Variants in CENPE observed in about 807,000 individuals in gnomAD.
CENPE encodes the protein centromere protein E.
In CENPE, 145 loss-of-function variants were observed where a neutral mutation model predicts 336.1. That is an observed-to-expected ratio of 0.43 (90% CI 0.38 to 0.50). The LOEUF is 0.50. Ranked by LOEUF, CENPE falls within the 20% of genes least tolerant of loss-of-function variation. The pLI is 0.00. For missense variants in CENPE, 2,719 were observed against 3,023.3 expected (o/e 0.90, Z 2.36); for synonymous variants, 1,013 against 984.8 (o/e 1.03, Z -0.54).
At chr4:103,162,943 G>T (rs1474269380) in intron 18 of CENPE, among the ~76,000 whole-genome samples, 194 bp downstream of exon 18, 2 of 152,082 alleles carry the variant, frequency 1.3e-5, no homozygotes, top group African/African-American at 4.8e-5. Context: ...TTCCACAAAT[G>T]TGACTTTATC....
chr4:103,113,472 A>G (rs1391419233), intron 46 of CENPE, among the ~76,000 whole-genome samples: 2 of 141,336 alleles, frequency 1.4e-5, no homozygotes, highest in African/African-American at 5.2e-5. Context: ...TATAATATAT[A>G]ACTTATATAT....
chr4:103,159,744 T>C (rs567097949), intron 21 of CENPE, among the ~76,000 whole-genome samples: 6 of 151,930 alleles, frequency 3.9e-5, no homozygotes, highest in Non-Finnish European at 8.8e-5. Flanking sequence ...TAATGTTTAA[T>C]CATTTAAAAT....
rs1198969543 is a variant in CENPE at position 103,174,768 on chromosome 4, C to G, written c.1615G>C (p.Ala539Pro). Residue 539 changes from alanine to proline, a missense_variant, in exon 16 of 49, where the codon GCT becomes CCT. Ala to Pro is a conservative substitution (Grantham distance 27). Coordinates refer to ENST00000265148, the MANE Select transcript of CENPE (RefSeq NM_001813.3). ...KEKNDLDEFEALERKTKKDQE... is the reference protein window; with the variant it reads ...KEKNDLDEFEPLERKTKKDQE... ...TCTTTTTTAGTTTTTCTTTCTAGAG[C>G]CTCAAATTCATCCAAATCATTCTTT... 4.5e-6 allele frequency: 7 copies of G among 1,543,936 alleles called. No individual in the cohort carries two copies. Among genetic ancestry groups the G allele is most frequent in the Admixed American group, 4.2e-5 (2 of 47,592 alleles).
rs59633163 is a variant in CENPE at position 103,157,080 on chromosome 4, A to G, written c.3033+1220T>C. Among the ~76,000 whole-genome samples, 1,412 of 141,550 alleles carry G rather than the reference A, an allele frequency of 1.0e-2. 27 individuals are homozygous for G. The highest frequency in any genetic ancestry group is 0.034 in the African/African-American group (1,326 of 38,642). 92.9% of individuals were successfully genotyped at this position (141,550 alleles called of 152,430 possible). Reference sequence around the variant, plus strand: ...CTATCAAAAAAAAAAAAAAAAAAAAACAGAAAATAGTGTGTTGGCAAAGGT... The same window carrying G: ...CTATCAAAAAAAAAAAAAAAAAAAAGCAGAAAATAGTGTGTTGGCAAAGGT... On this transcript the variant is annotated intron_variant, in intron 24 of 48. Coordinates refer to ENST00000265148, the MANE Select transcript of CENPE (RefSeq NM_001813.3).
intron 16 of CENPE, 36 bp downstream of exon 16, chr4:103,174,700 G>A (rs1560661449): frequency 7.4e-7 from 1 of 1,353,896 alleles, no homozygotes; most frequent in East Asian, 2.7e-5. Context: ...TTAAAAGTAT[G>A]CTTTTAGTTT....
chr4:103,180,172 A>C, intron 13 of CENPE, 139 bp downstream of exon 13: 1 of 611,092 alleles, frequency 1.6e-6, no homozygotes, highest in Non-Finnish European at 2.6e-6. Flanking sequence ...TCTCTTAGGT[A>C]CTATGAAACA....
At chr4:103,185,691 CATT>C (rs1351576031) in intron 9 of CENPE, 116 bp downstream of exon 9, 1 of 536,874 alleles carries the variant, frequency 1.9e-6, no homozygotes, top group Non-Finnish European at 3.2e-6. Context: ...ATTAATGATT[CATT>C]ATTATTAATA....
chr4:103,140,500 A>G, intron 36 of CENPE, 86 bp from the exon 37 acceptor site: 1 of 984,578 alleles, frequency 1.0e-6, no homozygotes, highest in Non-Finnish European at 1.5e-6. Flanking sequence ...AAAATCTTAA[A>G]AATTATACAC....
rs1752132679 is a variant in CENPE, at chr4:103,137,114, A to C, written c.6304-755T>G. Reference sequence around the variant, plus strand: ...CAAGTTTTGAACTAAGTCAGATACAAGTCTGACTTAGTTTAAAATTCTGAT... The same window carrying C: ...CAAGTTTTGAACTAAGTCAGATACACGTCTGACTTAGTTTAAAATTCTGAT... On this transcript the variant is annotated intron_variant, in intron 39 of 48. Coordinates refer to ENST00000265148, the MANE Select transcript of CENPE (RefSeq NM_001813.3). 2.0e-5 allele frequency among the ~76,000 whole-genome samples: 3 copies of C among 152,296 alleles called. No individual in the cohort carries two copies. In the South Asian group the frequency reaches 6.2e-4, roughly 32 times the overall value.
At chr4:103,116,483 T>A (rs979436528) in intron 45 of CENPE, 94 bp downstream of exon 45, 1 of 562,256 alleles carries the variant, frequency 1.8e-6, no homozygotes, top group African/African-American at 2.0e-5. Flanking sequence ...TTTTCATAAA[T>A]TATATTTTAA....
In CENPE at chr4:103,183,298, T is replaced by C. The variant is rs754434936; in HGVS notation, c.746-10A>G. On this transcript the variant is annotated splice_polypyrimidine_tract_variant and intron_variant, in intron 9 of 48. Transcript: ENST00000265148. Reference sequence around the variant, plus strand: ...TCCTTGAGCCGCACACCTGAATTTATTAAACAAATATGAAAACTAAACTTG... The same window carrying C: ...TCCTTGAGCCGCACACCTGAATTTACTAAACAAATATGAAAACTAAACTTG... 6.2e-7 allele frequency: 1 copy of C among 1,603,060 alleles called. No individual in the cohort carries two copies. Among genetic ancestry groups the C allele is most frequent in the Non-Finnish European group, 8.5e-7 (1 of 1,173,754 alleles).
intron 26 of CENPE, 115 bp downstream of exon 26, chr4:103,151,104 T>C: frequency 3.4e-6 from 3 of 881,228 alleles, no homozygotes; most frequent in Non-Finnish European, 5.3e-6. Flanking sequence ...AGCATTGAAA[T>C]ATGTTCATTT....
rs192216331 is a variant in CENPE, at chr4:103,124,069, C to A, written c.6925-980G>T. On this transcript the variant is annotated intron_variant, in intron 42 of 48. Transcript: ENST00000265148. ...ATTAGCTGTTGTTACTAATCTCTTACTGTGTCTAATTTATAAATTAAACTT... is the reference window on the plus strand; with the variant it reads ...ATTAGCTGTTGTTACTAATCTCTTAATGTGTCTAATTTATAAATTAAACTT... Among the ~76,000 whole-genome samples, 5 of 152,244 alleles carry A rather than the reference C, an allele frequency of 3.3e-5. No individual in the cohort carries two copies. The East Asian group carries it at 9.6e-4, about 29-fold the overall frequency.
Position 103,141,042 on chromosome 4 carries a change from T to C in CENPE, c.5526A>G (p.Thr1842=). ...LITLKKDVNE[T]QKKVSEMEQL... ...GCTCCATTTCAGACACTTTTTTCTG[T>C]GTCTCATTGACATCTTTTTTTAACG... The change falls in exon 36 of 49, where the codon ACA becomes ACG. Residue 1842 remains threonine, a synonymous_variant. Coordinates refer to ENST00000265148, the MANE Select transcript of CENPE (RefSeq NM_001813.3). 1 of 1,599,092 alleles carries C rather than the reference T, an allele frequency of 6.3e-7. No individual in the cohort carries two copies. Among genetic ancestry groups the C allele is most frequent in the Non-Finnish European group, 8.5e-7 (1 of 1,170,424 alleles).
Position 103,126,479 on chromosome 4 carries a change from C to G in CENPE, c.6925-3390G>C, listed in dbSNP as rs372522589. Among the ~76,000 whole-genome samples the G allele has an allele frequency of 9.2e-5, 14 of 152,190 alleles. No individual in the cohort carries two copies. The East Asian group carries it at 2.3e-3, about 25-fold the overall frequency. On this transcript the variant is annotated intron_variant, in intron 42 of 48. Coordinates refer to ENST00000265148, the MANE Select transcript of CENPE (RefSeq NM_001813.3). Reference sequence around the variant, plus strand: ...ACCTTGCCACTACATTACTAAAGGCCTATTTGCTACAGTTACTTTTACCCA... The same window carrying G: ...ACCTTGCCACTACATTACTAAAGGCGTATTTGCTACAGTTACTTTTACCCA...
intron 8 of CENPE, among the ~76,000 whole-genome samples, chr4:103,192,603 G>A (rs549402837): frequency 1.5e-4 from 23 of 152,290 alleles, no homozygotes; most frequent in African/African-American, 5.3e-4. Context: ...TAAGAAATGG[G>A]ACAAGTGGAC....
At chr4:103,178,792 C>G (rs1201122609) in intron 13 of CENPE, among the ~76,000 whole-genome samples, 1 of 152,116 alleles carries the variant, frequency 6.6e-6, no homozygotes, top group Non-Finnish European at 1.5e-5. Flanking sequence ...ACAGCTAAAC[C>G]TGGGCTGCTT....
intron 32 of CENPE, among the ~76,000 whole-genome samples, 174 bp downstream of exon 32, chr4:103,144,876 G>C (rs574467019): frequency 6.6e-6 from 1 of 152,072 alleles, no homozygotes; most frequent in Non-Finnish European, 1.5e-5. Flanking sequence ...GAAATATTCT[G>C]TCTACTAACA....
At position 103,148,941 on chromosome 4, in the gene CENPE, T is replaced by A; in HGVS notation, c.3746A>T (p.Glu1249Val). The change falls in exon 28 of 49, where the codon GAA (glutamate) becomes GTA (valine). Residue 1249 changes from glutamate to valine, a missense_variant. Glu to Val is a moderately radical substitution (Grantham distance 121). Transcript: ENST00000265148. ...IAHIHLKEHQ[E>V]TIDELRRSVS... is the part of the protein sequence containing the mutation. ...GCTTCTTCTTAGTTCATCAATAGTT[T>A]CTTGGTGTTCTTTTAGGTGAATATG... 1 of 1,613,842 alleles carries A rather than the reference T, an allele frequency of 6.2e-7. No individual in the cohort carries two copies. The highest frequency in any genetic ancestry group is 8.5e-7 in the Non-Finnish European group (1 of 1,179,790).
Sources: gnomAD v4.1 joint callset for allele counts (sites outside exome capture counted in the v4.1 genomes callset) on GRCh38, gnomAD v4.1.1 for gene constraint, MANE v1.5 for transcripts, NCBI Gene and HGNC (gene_info 2026-07-23, HGNC 2026-07-21) for gene names.